Variants in DDAH1 observed in about 807,000 individuals in gnomAD.
DDAH1 encodes N(G),N(G)-dimethylarginine dimethylaminohydrolase 1.
Under a neutral mutation model 28.8 loss-of-function variants are expected in DDAH1, and 19 were observed. The observed-to-expected ratio is 0.66, with a 90% confidence interval of 0.46 to 0.97. The LOEUF (loss-of-function observed/expected upper bound fraction) is 0.97, where lower values mean the gene tolerates loss of function less well. Ranked by LOEUF, DDAH1 falls within the 50% of genes least tolerant of loss-of-function variation. The pLI is 0.00. For missense variants in DDAH1, 326 were observed against 375.9 expected (o/e 0.87, Z 1.10); for synonymous variants, 153 against 154.4 (o/e 0.99, Z 0.07).
intron 1 of DDAH1, among the ~76,000 whole-genome samples, chr1:85,567,615 G>GA (rs1199594509): frequency 6.6e-6 from 1 of 152,134 alleles, no homozygotes; most frequent in Non-Finnish European, 1.5e-5. Flanking sequence ...CGTGAAAACA[G>GA]ACTAATTATG....
intron 1 of DDAH1, among the ~76,000 whole-genome samples, chr1:85,450,995 C>T (rs892423516): frequency 1.3e-5 from 2 of 152,176 alleles, no homozygotes; most frequent in Non-Finnish European, 2.9e-5. Context: ...ATGACCTACT[C>T]CTAAAACCAT....
chr1:85,367,448 C>G (rs1650134303), intron 1 of DDAH1, among the ~76,000 whole-genome samples: 1 of 152,194 alleles, frequency 6.6e-6, no homozygotes, highest in South Asian at 2.1e-4. Flanking sequence ...CCTCAACACA[C>G]AATCAGTATC....
At chr1:85,419,997 A>G (rs535255960) in intron 1 of DDAH1, among the ~76,000 whole-genome samples, 1 of 152,156 alleles carries the variant, frequency 6.6e-6, no homozygotes, top group East Asian at 1.9e-4. Flanking sequence ...TTTTCATCAC[A>G]TTTTATCAAG....
intron 1 of DDAH1, among the ~76,000 whole-genome samples, chr1:85,554,688 A>C (rs1658909636): frequency 6.6e-6 from 1 of 152,240 alleles, no homozygotes. Flanking sequence ...CAAATGGAGA[A>C]ATTGGCTTTA....
chr1:85,553,931 T>C (rs1658881083), intron 1 of DDAH1, among the ~76,000 whole-genome samples: 1 of 152,162 alleles, frequency 6.6e-6, no homozygotes, highest in Non-Finnish European at 1.5e-5. Context: ...GGCTGGGAGT[T>C]GTCTGTCTTG....
rs372032069 is a variant in DDAH1 at position 85,321,423 on chromosome 1, T to A, written c.*29A>T. 2 of 1,503,512 alleles carry A rather than the reference T, an allele frequency of 1.3e-6. No homozygotes were observed. 93.1% of individuals were successfully genotyped at this position (1,503,512 alleles called of 1,614,324 possible). On this transcript the variant is annotated 3_prime_UTR_variant, in exon 6 of 6. Transcript: ENST00000284031. ...AGTCATCGGCCTTGCCTGTGCGGTC[T>A]TGCCGGCTACCGGGGGGGACTCTGC...
At chr1:85,438,886 A>G (rs1028549643) in intron 1 of DDAH1, among the ~76,000 whole-genome samples, 1 of 152,194 alleles carries the variant, frequency 6.6e-6, no homozygotes, top group African/African-American at 2.4e-5. Flanking sequence ...TTAGTAGTGA[A>G]GGTGAATAAA....
intron 1 of DDAH1, among the ~76,000 whole-genome samples, chr1:85,404,755 C>T (rs1210094489): frequency 6.6e-6 from 1 of 152,156 alleles, no homozygotes; most frequent in Non-Finnish European, 1.5e-5. Context: ...CTCTCTCTCT[C>T]TCAAGTTGAG....
rs551400290 is a variant in DDAH1 at position 85,367,526 on chromosome 1, CTCTT to C, written c.304-8683_304-8680del. ...TTAATAATAAATACAATTTATTAAG[CTCTT>C]TCTAAGTGCCAAGCATTGTGCTAAG... is the stretch of plus-strand genomic sequence containing the variant. On this transcript the variant is annotated intron_variant, in intron 1 of 5. Coordinates refer to ENST00000284031, the MANE Select transcript of DDAH1 (RefSeq NM_012137.4). Among the ~76,000 whole-genome samples, 447 of 152,290 alleles carry C rather than the reference CTCTT, an allele frequency of 2.9e-3. 2 individuals carry two copies. Among genetic ancestry groups the C allele is most frequent in the Non-Finnish European group, 4.5e-3 (305 of 68,018 alleles).
chr1:85,401,845 G>A (rs1413717861), intron 1 of DDAH1, among the ~76,000 whole-genome samples: 1 of 152,042 alleles, frequency 6.6e-6, no homozygotes, highest in African/African-American at 2.4e-5. Flanking sequence ...TTATTGAACT[G>A]TAGAATTAGA....
At chr1:85,510,415 T>C (rs147259032) in intron 1 of DDAH1, among the ~76,000 whole-genome samples, 2,290 of 152,294 alleles carry the variant, frequency 0.015, 30 homozygotes, top group Middle Eastern at 0.034. Context: ...GTAAAGACCA[T>C]TGATGCTATG....
chr1:85,564,670 C>T (rs886398997), intron 1 of DDAH1, among the ~76,000 whole-genome samples: 2 of 151,604 alleles, frequency 1.3e-5, no homozygotes, highest in Middle Eastern at 3.2e-3. Flanking sequence ...GAGTTCGAAA[C>T]CAGCCTGGTC....
At chr1:85,494,069 T>A (rs1220380358) in intron 2 of DDAH1, 2 of 152,146 alleles carry the variant, frequency 1.3e-5, no homozygotes, top group African/African-American at 2.4e-5. Flanking sequence ...TCTGAGCAGT[T>A]TTTTCCCCCT....
intron 1 of DDAH1, among the ~76,000 whole-genome samples, chr1:85,519,553 G>A (rs1398825856): frequency 6.6e-6 from 1 of 151,756 alleles, no homozygotes; most frequent in Non-Finnish European, 1.5e-5. Context: ...GAAACAAAAA[G>A]GAATTTTAAA....
chr1:85,424,953 T>C (rs1349128869), intron 1 of DDAH1, among the ~76,000 whole-genome samples: 1 of 152,124 alleles, frequency 6.6e-6, no homozygotes, highest in Non-Finnish European at 1.5e-5. Flanking sequence ...ATCACAGTCA[T>C]CCAGTCTATT....
intron 2 of DDAH1, among the ~76,000 whole-genome samples, chr1:85,481,474 G>C (rs1296176638): frequency 6.6e-6 from 1 of 152,096 alleles, no homozygotes; most frequent in Non-Finnish European, 1.5e-5. Context: ...TACATTATAA[G>C]TGTTATAGTT....
intron 1 of DDAH1, among the ~76,000 whole-genome samples, chr1:85,390,094 A>G (rs1651473263): frequency 6.6e-6 from 1 of 152,226 alleles, no homozygotes; most frequent in Admixed American, 6.5e-5. Context: ...TTCTATGTTA[A>G]GTCAAGCCCA....
At chr1:85,548,830 A>G (rs936975227) in intron 1 of DDAH1, among the ~76,000 whole-genome samples, 2 of 152,250 alleles carry the variant, frequency 1.3e-5, no homozygotes, top group African/African-American at 4.8e-5. Context: ...TCATAATTAC[A>G]TTCACATAGT....
intron 1 of DDAH1, among the ~76,000 whole-genome samples, chr1:85,454,101 G>A (rs1270303996): frequency 1.3e-5 from 2 of 152,150 alleles, no homozygotes. Flanking sequence ...TTCAGGGAAT[G>A]CTGCTGCCAC....
Sources: gnomAD v4.1 joint callset for allele counts (sites outside exome capture counted in the v4.1 genomes callset) on GRCh38, gnomAD v4.1.1 for gene constraint, MANE v1.5 for transcripts, NCBI Gene and HGNC (gene_info 2026-07-23, HGNC 2026-07-21) for gene names.